The following ERBB4 variants were observed in gnomAD, a reference collection of about 807,000 sequenced individuals.
The protein encoded by ERBB4 is erb-b2 receptor tyrosine kinase 4, also known as receptor tyrosine-protein kinase erbB-4.
ERBB4 carries 42 observed loss-of-function variants against 158.0 expected under a neutral mutation model. That is an observed-to-expected ratio of 0.27 (90% CI 0.21 to 0.34). The LOEUF (loss-of-function observed/expected upper bound fraction) is 0.34. ERBB4 is among the 10% of genes least tolerant of loss of function. The pLI, the probability that ERBB4 is intolerant of heterozygous loss-of-function variation, is 1.00. For synonymous variants in ERBB4, 583 were observed against 558.7 expected (o/e 1.04, Z -0.61); for missense variants, 1,333 against 1,624.1 (o/e 0.82, Z 3.08).
At position 211,564,748 on chromosome 2, in the gene ERBB4, A is replaced by G. The variant is rs546770523; in HGVS notation, c.2302-2660T>C. On this transcript the variant is annotated intron_variant, in intron 19 of 27. Coordinates refer to ENST00000342788, the MANE Select transcript of ERBB4 (RefSeq NM_005235.3). ...ATCAAGCATGAGATATGGAAATACAAAAAATACAGTGAATAATTTTCTAGA... is the reference window on the plus strand; with the variant it reads ...ATCAAGCATGAGATATGGAAATACAGAAAATACAGTGAATAATTTTCTAGA... Among the ~76,000 whole-genome samples, 8 of 152,344 alleles carry G rather than the reference A, an allele frequency of 5.3e-5. No homozygotes were observed. In the East Asian group the frequency reaches 1.5e-3, roughly 29 times the overall value.
chr2:212,425,688 T>A (rs1011400692), intron 1 of ERBB4, among the ~76,000 whole-genome samples: 9 of 151,966 alleles, frequency 5.9e-5, no homozygotes, highest in Non-Finnish European at 2.9e-5. Context: ...CCCTCTTCCC[T>A]TCTTGGTTAC....
At chr2:212,464,721 A>C (rs2106087568) in intron 1 of ERBB4, among the ~76,000 whole-genome samples, 1 of 152,228 alleles carries the variant, frequency 6.6e-6, no homozygotes, top group South Asian at 2.1e-4. Flanking sequence ...ACCCCAAATA[A>C]GTTTTGTTAC....
intron 7 of ERBB4, among the ~76,000 whole-genome samples, chr2:211,714,442 C>T (rs765087959): frequency 4.6e-5 from 7 of 152,106 alleles, no homozygotes; most frequent in Non-Finnish European, 4.4e-5. Context: ...TGAGGGGTGC[C>T]CAAAGCAGAA....
intron 4 of ERBB4, chr2:211,777,097 A>C (rs2075897550): frequency 6.6e-6 from 1 of 152,186 alleles, no homozygotes. Context: ...AATCGGAAAT[A>C]GTTCTTCAAA....
At chr2:212,044,496 C>T (rs2077212233) in intron 2 of ERBB4, among the ~76,000 whole-genome samples, 2 of 152,282 alleles carry the variant, frequency 1.3e-5, no homozygotes, top group East Asian at 3.9e-4. Flanking sequence ...GTATTTCCTT[C>T]ACAATGAATT....
rs1297884792 is a variant in ERBB4, at chr2:211,562,189, C to A, written c.2302-101G>T. 1.6e-5 allele frequency: 15 copies of A among 951,232 alleles called. 1 individual carries two copies. The South Asian group carries it at 2.0e-4, about 13-fold the overall frequency. The allele number at this position is 951,232 out of a possible 1,614,324, so 58.9% of individuals were successfully genotyped here. On this transcript the variant is annotated intron_variant, in intron 19 of 27. Coordinates refer to ENST00000342788, the MANE Select transcript of ERBB4 (RefSeq NM_005235.3). ...GGTGCTGATGATTTTTAAAAATGTA[C>A]TCTTACTCAATGGAATCAATCAAAA... is the stretch of plus-strand genomic sequence containing the variant.
At chr2:212,355,837 T>C (rs2089444354) in intron 1 of ERBB4, among the ~76,000 whole-genome samples, 2 of 151,966 alleles carry the variant, frequency 1.3e-5, no homozygotes, top group South Asian at 4.1e-4. Context: ...TATATGTGTA[T>C]ATATATAAAA....
chr2:211,753,444 A>G (rs1018840382), intron 4 of ERBB4, among the ~76,000 whole-genome samples: 9 of 152,126 alleles, frequency 5.9e-5, no homozygotes, highest in African/African-American at 1.9e-4. Context: ...ACCTTCTTAG[A>G]GTTTAGAATT....
chr2:212,433,627 A>G (rs1439356186), intron 1 of ERBB4, among the ~76,000 whole-genome samples: 1 of 152,032 alleles, frequency 6.6e-6, no homozygotes, highest in Non-Finnish European at 1.5e-5. Flanking sequence ...GATCCAAGAA[A>G]AAAATAGGTC....
intron 3 of ERBB4, among the ~76,000 whole-genome samples, chr2:211,801,184 A>G (rs891682527): frequency 6.6e-6 from 1 of 152,196 alleles, no homozygotes; most frequent in Non-Finnish European, 1.5e-5. Context: ...ATGAAAATGT[A>G]TTTAAACATT....
At chr2:211,762,259 T>C (rs867603141) in intron 4 of ERBB4, among the ~76,000 whole-genome samples, 11 of 152,136 alleles carry the variant, frequency 7.2e-5, no homozygotes, top group Admixed American at 2.0e-4. Context: ...GGTCAAGCAA[T>C]TGGAAGCGGG....
intron 1 of ERBB4, among the ~76,000 whole-genome samples, chr2:212,325,382 G>A (rs1248495172): frequency 6.6e-6 from 1 of 150,492 alleles, no homozygotes; most frequent in African/African-American, 2.4e-5. Flanking sequence ...TGAAGAGGAT[G>A]GGGAAGCTTT....
At position 212,083,450 on chromosome 2, in the gene ERBB4, C is replaced by A. The variant is rs182403066; in HGVS notation, c.234+41302G>T. On this transcript the variant is annotated intron_variant, in intron 2 of 27. Coordinates refer to ENST00000342788, the MANE Select transcript of ERBB4 (RefSeq NM_005235.3). ...TTTTAGTATCTTCATTACTAACATG[C>A]AAAATGGAATAAATAACATGCAAAT... 9.6e-4 allele frequency among the ~76,000 whole-genome samples: 146 copies of A among 151,842 alleles called. 2 individuals carry two copies. Among genetic ancestry groups the A allele is most frequent in the African/African-American group, 3.4e-3 (140 of 41,450 alleles).
intron 1 of ERBB4, among the ~76,000 whole-genome samples, chr2:212,237,454 T>G (rs1487819857): frequency 6.6e-6 from 1 of 152,146 alleles, no homozygotes; most frequent in Admixed American, 6.5e-5. Flanking sequence ...TCTGGAAGCT[T>G]CATCCCAGAG....
At chr2:212,173,944 G>A (rs1031107673) in intron 1 of ERBB4, among the ~76,000 whole-genome samples, 2 of 152,118 alleles carry the variant, frequency 1.3e-5, no homozygotes, top group East Asian at 1.9e-4. Flanking sequence ...GGAAACTTCC[G>A]AAGTAGTTCA....
At chr2:211,738,949 C>G (rs1013431105) in intron 5 of ERBB4, among the ~76,000 whole-genome samples, 3 of 152,062 alleles carry the variant, frequency 2.0e-5, no homozygotes, top group Non-Finnish European at 2.9e-5. Flanking sequence ...AGAAAATGAT[C>G]TTTTTCTTAT....
chr2:212,398,675 T>G (rs1048483636), intron 1 of ERBB4, among the ~76,000 whole-genome samples: 1 of 152,176 alleles, frequency 6.6e-6, no homozygotes, highest in Non-Finnish European at 1.5e-5. Context: ...CAATTGTATT[T>G]GTAAAAGACA....
chr2:211,443,707 C>CACTA (rs1388953601), intron 20 of ERBB4, among the ~76,000 whole-genome samples: 6 of 151,972 alleles, frequency 3.9e-5, no homozygotes, highest in African/African-American at 1.4e-4. Context: ...TCAGCGCTGC[C>CACTA]ACTAACTATA....
rs562655417 is a variant in ERBB4 at position 212,242,004 on chromosome 2, A to C, written c.83-117101T>G. Among the ~76,000 whole-genome samples the C allele has an allele frequency of 1.0e-3, 155 of 152,158 alleles. 2 individuals carry two copies. In the South Asian group the frequency reaches 0.027, roughly 26 times the overall value. On this transcript the variant is annotated intron_variant, in intron 1 of 27. Coordinates refer to ENST00000342788, the MANE Select transcript of ERBB4 (RefSeq NM_005235.3). Reference sequence around the variant, plus strand: ...AAAAAAAATTCAAATATGATTTTTAAGCCATAAACATTTTTATACTAGGAC... The same window carrying C: ...AAAAAAAATTCAAATATGATTTTTACGCCATAAACATTTTTATACTAGGAC...
Sources: allele counts gnomAD v4.1 joint callset (sites outside exome capture counted in the v4.1 genomes callset), GRCh38; gene constraint gnomAD v4.1.1; transcripts MANE v1.5; gene names NCBI Gene and HGNC (gene_info 2026-07-23, HGNC 2026-07-21).